Variants in THSD4 observed in about 807,000 individuals in gnomAD.
The protein encoded by THSD4 is thrombospondin type-1 domain-containing protein 4.
In THSD4, 69 loss-of-function variants were observed where a neutral mutation model predicts 119.0. The ratio of observed to expected loss-of-function variants is 0.58; its 90% confidence interval spans 0.48 to 0.71. The LOEUF (loss-of-function observed/expected upper bound fraction) is 0.71. Ranked by LOEUF, THSD4 falls within the 30% of genes least tolerant of loss-of-function variation. The probability of loss-of-function intolerance (pLI) is 0.00; values close to 1 mark genes in which losing one functional copy is unlikely to be tolerated. For synonymous variants in THSD4, 524 were observed against 540.4 expected, an observed-to-expected ratio of 0.97 and a Z score of 0.42; for missense variants, 1,393 against 1,391.1, an observed-to-expected ratio of 1.00 and a Z score of -0.02.
At chr15:71,446,555 C>T (rs958113170) in intron 7 of THSD4, among the ~76,000 whole-genome samples, 6 of 152,124 alleles carry the variant, frequency 3.9e-5, no homozygotes, top group Admixed American at 3.9e-4. Flanking sequence ...CTGCTTCTGC[C>T]TAGAATGCCT....
chr15:71,676,086 C>T (rs1049427077), intron 8 of THSD4, among the ~76,000 whole-genome samples: 4 of 152,190 alleles, frequency 2.6e-5, no homozygotes, highest in Admixed American at 6.5e-5. Flanking sequence ...CTCAGCAGAC[C>T]TTCTGGAACT....
At chr15:71,642,989 T>C (rs1468853396) in intron 7 of THSD4, among the ~76,000 whole-genome samples, 1 of 152,166 alleles carries the variant, frequency 6.6e-6, no homozygotes, top group Non-Finnish European at 1.5e-5. Flanking sequence ...GTTCTGGGAC[T>C]GGAATGCCTG....
intron 6 of THSD4, among the ~76,000 whole-genome samples, chr15:71,291,416 G>A (rs144095339): frequency 4.6e-4 from 70 of 152,284 alleles, no homozygotes; most frequent in Non-Finnish European, 9.3e-4. Flanking sequence ...CAGGAGAGTC[G>A]ATGTTGTGTT....
chr15:71,106,867 T>TA (rs35886943), intron 1 of THSD4, among the ~76,000 whole-genome samples: 250 of 144,728 alleles, frequency 1.7e-3, no homozygotes, highest in African/African-American at 4.1e-3. Flanking sequence ...CTACCAGCTT[T>TA]AAAAAAAAAA....
chr15:71,585,958 C>G (rs2049660971), intron 7 of THSD4, among the ~76,000 whole-genome samples: 1 of 152,060 alleles, frequency 6.6e-6, no homozygotes, highest in Non-Finnish European at 1.5e-5. Context: ...TATCAAACTT[C>G]TAATTTTATG....
At chr15:71,749,067 G>A (rs576065532) in intron 14 of THSD4, among the ~76,000 whole-genome samples, 4 of 152,192 alleles carry the variant, frequency 2.6e-5, no homozygotes, top group Non-Finnish European at 5.9e-5. Context: ...CAGTTACCTG[G>A]ATATAAGGGA....
At chr15:71,274,812 A>AC (rs2044572158) in intron 6 of THSD4, among the ~76,000 whole-genome samples, 1 of 152,140 alleles carries the variant, frequency 6.6e-6, no homozygotes, top group Admixed American at 6.5e-5. Flanking sequence ...TTCTTTAAAA[A>AC]GCTGTTTCTT....
chr15:71,600,397 T>A (rs1168813446), intron 7 of THSD4, among the ~76,000 whole-genome samples: 1 of 152,248 alleles, frequency 6.6e-6, no homozygotes, highest in Non-Finnish European at 1.5e-5. Context: ...CTTCTTTGTC[T>A]TAATACATGA....
At chr15:71,352,768 T>C (rs1169089794) in intron 6 of THSD4, among the ~76,000 whole-genome samples, 1 of 152,230 alleles carries the variant, frequency 6.6e-6, no homozygotes, top group African/African-American at 2.4e-5. Context: ...ATATTGCTTT[T>C]ATGAGCCCTG....
intron 7 of THSD4, among the ~76,000 whole-genome samples, chr15:71,492,754 C>T (rs1033719965): frequency 2.6e-5 from 4 of 152,132 alleles, no homozygotes; most frequent in African/African-American, 9.7e-5. Flanking sequence ...TTTCAAAGTG[C>T]AGAAGCTCCC....
intron 7 of THSD4, among the ~76,000 whole-genome samples, chr15:71,524,363 C>T (rs2048485005): frequency 6.6e-6 from 1 of 152,130 alleles, no homozygotes; most frequent in Non-Finnish European, 1.5e-5. Flanking sequence ...TCTCTGGTAC[C>T]TTCTTGACAG....
intron 6 of THSD4, among the ~76,000 whole-genome samples, chr15:71,354,162 G>A (rs1021038229): frequency 2.6e-5 from 4 of 152,214 alleles, no homozygotes; most frequent in African/African-American, 9.7e-5. Flanking sequence ...CAGATGTGGT[G>A]GCATTTACCT....
At chr15:71,242,556 T>C in intron 4 of THSD4, 93 bp from the exon 5 acceptor site, 1 of 1,370,626 alleles carries the variant, frequency 7.3e-7, no homozygotes, top group Middle Eastern at 1.9e-4. Context: ...CTTCCGTTCC[T>C]ACCTGGTCCT....
intron 7 of THSD4, among the ~76,000 whole-genome samples, chr15:71,483,293 C>A (rs776112253): frequency 1.3e-5 from 2 of 152,186 alleles, no homozygotes; most frequent in East Asian, 1.9e-4. Context: ...AAACTCCCCT[C>A]AATCTTCATA....
At chr15:71,491,754 A>G (rs575425389) in intron 7 of THSD4, among the ~76,000 whole-genome samples, 15 of 152,290 alleles carry the variant, frequency 9.8e-5, no homozygotes, top group African/African-American at 3.6e-4. Flanking sequence ...CTGTGGTTCC[A>G]GCTACTTGGG....
intron 16 of THSD4, among the ~76,000 whole-genome samples, chr15:71,769,928 TAAAAAAAAA>T (rs1181348692): frequency 2.3e-5 from 1 of 44,300 alleles, no homozygotes; most frequent in Non-Finnish European, 4.0e-5. Context: ...AAAATAAATT[TAAAAAAAAA>T]AAAAAAAAAA....
At chr15:71,278,652 A>T (rs2044618171) in intron 6 of THSD4, among the ~76,000 whole-genome samples, 1 of 152,146 alleles carries the variant, frequency 6.6e-6, no homozygotes, top group Non-Finnish European at 1.5e-5. Context: ...GAGGACCTTG[A>T]CTAGTCTCTG....
At chr15:71,353,002 G>A (rs185703976) in intron 6 of THSD4, among the ~76,000 whole-genome samples, 1 of 152,322 alleles carries the variant, frequency 6.6e-6, no homozygotes, top group Admixed American at 6.5e-5. Flanking sequence ...GGACGATTGG[G>A]AGAGGAGGCT....
rs1043323374 is a variant in THSD4 at position 71,778,121 on chromosome 15, A to G, written c.*747A>G. 1.3e-5 allele frequency: 2 copies of G among 152,256 alleles called. No individual in the cohort carries two copies. Among genetic ancestry groups the G allele is most frequent in the Admixed American group, 6.5e-5 (1 of 15,284 alleles). The allele number at this position is 152,256 out of a possible 1,614,324, so 9.4% of individuals were successfully genotyped here. A position where few individuals can be genotyped will look rare whatever the true frequency, so the allele number is the denominator to read the frequency against. Reference sequence around the variant, plus strand: ...GAAGAGCTGAGTCCCCGCCCCAGTCATCTACCAGTATCCAGCCTGGGGCCT... The same window carrying G: ...GAAGAGCTGAGTCCCCGCCCCAGTCGTCTACCAGTATCCAGCCTGGGGCCT... On this transcript the variant is annotated 3_prime_UTR_variant, in exon 18 of 18. Coordinates refer to ENST00000261862, the MANE Select transcript of THSD4 (RefSeq NM_024817.3).
Sources: gnomAD v4.1 joint callset for allele counts (sites outside exome capture counted in the v4.1 genomes callset) on GRCh38, gnomAD v4.1.1 for gene constraint, MANE v1.5 for transcripts, NCBI Gene and HGNC (gene_info 2026-07-23, HGNC 2026-07-21) for gene names.